PHACTR3: variants seen among roughly 807,000 people sequenced by gnomAD.
PHACTR3 encodes the protein phosphatase and actin regulator 3, also known as protein phosphatase 1, regulatory subunit 123.
In PHACTR3, 16 loss-of-function variants were observed where a neutral mutation model predicts 66.8. The observed-to-expected ratio is 0.24, with a 90% CI of 0.16 to 0.36. The LOEUF (loss-of-function observed/expected upper bound fraction) is 0.36. Ranked by LOEUF, PHACTR3 falls within the 10% of genes least tolerant of loss-of-function variation. The pLI, the probability that PHACTR3 is intolerant of heterozygous loss-of-function variation, is 1.00. For synonymous variants in PHACTR3, 323 were observed against 292.1 expected (o/e 1.11, Z -1.08); for missense variants, 647 against 719.9 (o/e 0.90, Z 1.16).
At chr20:59,649,947 G>A (rs1006859210) in intron 1 of PHACTR3, among the ~76,000 whole-genome samples, 37 of 152,158 alleles carry the variant, frequency 2.4e-4, no homozygotes, top group African/African-American at 8.7e-4. Flanking sequence ...TTATAAGTAT[G>A]GAAATAGATA....
intron 8 of PHACTR3, among the ~76,000 whole-genome samples, chr20:59,815,665 C>T (rs922174108): frequency 2.2e-4 from 34 of 152,062 alleles, no homozygotes; most frequent in African/African-American, 8.0e-4. Flanking sequence ...CCTCATGATC[C>T]GCCTGCCTTG....
chr20:59,609,364 C>T (rs577877949), intron 1 of PHACTR3, among the ~76,000 whole-genome samples: 2 of 152,206 alleles, frequency 1.3e-5, no homozygotes, highest in African/African-American at 4.8e-5. Flanking sequence ...ACCCTCATCA[C>T]CCACACACCG....
chr20:59,815,368 A>G (rs2041855742), intron 8 of PHACTR3, among the ~76,000 whole-genome samples: 2 of 152,114 alleles, frequency 1.3e-5, no homozygotes, highest in Admixed American at 1.3e-4. Flanking sequence ...ATCTTCAGCC[A>G]AAAGAAATGC....
rs1167566703 is a variant in PHACTR3, at chr20:59,649,738, G to T, written c.118+44606G>T. 5.3e-5 allele frequency among the ~76,000 whole-genome samples: 8 copies of T among 152,166 alleles called. 1 individual carries two copies. In the East Asian group the frequency reaches 1.5e-3, roughly 29 times the overall value. On this transcript the variant is annotated intron_variant, in intron 1 of 12. Transcript: ENST00000371015. ...GTTTAAAAGTATCACTGATAAGTTG[G>T]GAGTATGCCTTCCATATGAGATACA...
At chr20:59,778,510 C>T (rs1056151454) in intron 7 of PHACTR3, among the ~76,000 whole-genome samples, 2 of 152,200 alleles carry the variant, frequency 1.3e-5, no homozygotes, top group African/African-American at 4.8e-5. Flanking sequence ...CGCTGTGTGG[C>T]AACACTTGGC....
intron 4 of PHACTR3, among the ~76,000 whole-genome samples, chr20:59,761,250 C>G (rs932965512): frequency 6.6e-6 from 1 of 152,060 alleles, no homozygotes; most frequent in Non-Finnish European, 1.5e-5. Context: ...CTCCTGTCTT[C>G]CTAGCTGGTG....
chr20:59,616,556 G>C (rs1323719058), intron 1 of PHACTR3, among the ~76,000 whole-genome samples: 1 of 152,228 alleles, frequency 6.6e-6, no homozygotes, highest in Non-Finnish European at 1.5e-5. Flanking sequence ...ATTTCCTAGT[G>C]GGGGAGCTGG....
chr20:59,581,039 G>T (rs948239179), intron 1 of PHACTR3, among the ~76,000 whole-genome samples: 2 of 152,188 alleles, frequency 1.3e-5, no homozygotes, highest in African/African-American at 2.4e-5. Flanking sequence ...TGTCTCCTCC[G>T]GTCCAGAAAT....
At chr20:59,612,040 A>G (rs2033868071) in intron 1 of PHACTR3, among the ~76,000 whole-genome samples, 1 of 152,138 alleles carries the variant, frequency 6.6e-6, no homozygotes, top group South Asian at 2.1e-4. Flanking sequence ...GGGACGGTGC[A>G]GGTAGTGGGT....
chr20:59,658,392 C>A (rs1371126274), intron 1 of PHACTR3, among the ~76,000 whole-genome samples: 2 of 151,148 alleles, frequency 1.3e-5, no homozygotes, highest in Non-Finnish European at 2.9e-5. Context: ...TTTTTCAAAG[C>A]TGGACGTTTT....
rs572169790 is a variant in PHACTR3 at position 59,821,940 on chromosome 20, A to G, written c.1329-14565A>G. 1.7e-3 allele frequency among the ~76,000 whole-genome samples: 250 copies of G among 150,874 alleles called. 2 individuals carry two copies. The highest frequency in any genetic ancestry group is 9.7e-3 in the South Asian group (46 of 4,760). On this transcript the variant is annotated intron_variant, in intron 8 of 12. Coordinates refer to ENST00000371015, the MANE Select transcript of PHACTR3 (RefSeq NM_080672.5). ...GGCGCTGAGAGTGATGTGGACAAAC[A>G]CAGCTACCCCCTCCCCAGCAATCCT...
rs2146364928 is a variant in PHACTR3 at position 59,621,029 on chromosome 20, C to T, written c.118+15897C>T. On this transcript the variant is annotated intron_variant, in intron 1 of 12. Transcript: ENST00000371015. ...GTTGCTGGAACTGTCCCAGACGTGG[C>T]CACTGGGAGCTCCTTCGAGTCGGTG... Among the ~76,000 whole-genome samples, 2 of 152,348 alleles carry T rather than the reference C, an allele frequency of 1.3e-5. 1 individual carries two copies. The highest frequency in any genetic ancestry group is 1.3e-4 in the Admixed American group (2 of 15,306).
intron 1 of PHACTR3, among the ~76,000 whole-genome samples, chr20:59,741,636 ATTCT>A (rs1279222870): frequency 6.6e-6 from 1 of 152,042 alleles, no homozygotes; most frequent in Non-Finnish European, 1.5e-5. Flanking sequence ...ATTTTGTTTC[ATTCT>A]AACTAATCTT....
intron 12 of PHACTR3, among the ~76,000 whole-genome samples, chr20:59,846,666 A>G (rs1490171508): frequency 6.6e-6 from 1 of 152,038 alleles, no homozygotes; most frequent in East Asian, 1.9e-4. Context: ...AATGTGGTAT[A>G]AAGACCCTAA....
intron 1 of PHACTR3, among the ~76,000 whole-genome samples, chr20:59,728,809 C>G (rs1231769422): frequency 6.6e-6 from 1 of 151,162 alleles, no homozygotes; most frequent in East Asian, 1.9e-4. Flanking sequence ...GGGGAGGGAC[C>G]GACAACACCA....
chr20:59,605,558 C>T (rs1020643831), intron 1 of PHACTR3, among the ~76,000 whole-genome samples: 3 of 152,242 alleles, frequency 2.0e-5, no homozygotes, highest in African/African-American at 2.4e-5. Flanking sequence ...GAAGGCAGCG[C>T]TCCGCAGCTG....
chr20:59,718,246 C>T (rs2038167522), intron 1 of PHACTR3, among the ~76,000 whole-genome samples: 1 of 152,134 alleles, frequency 6.6e-6, no homozygotes, highest in South Asian at 2.1e-4. Flanking sequence ...CTTAAGTTGC[C>T]ACACAGTACC....
At chr20:59,726,295 T>A (rs1313185896) in intron 1 of PHACTR3, among the ~76,000 whole-genome samples, 1 of 152,152 alleles carries the variant, frequency 6.6e-6, no homozygotes, top group East Asian at 1.9e-4. Flanking sequence ...CCAATCCTAC[T>A]TCTGCTAAGG....
At chr20:59,814,707 G>C (rs2041837246) in intron 8 of PHACTR3, among the ~76,000 whole-genome samples, 1 of 152,026 alleles carries the variant, frequency 6.6e-6, no homozygotes, top group Non-Finnish European at 1.5e-5. Flanking sequence ...GTTTTTCACT[G>C]ACCGCCAGGA....
Sources: allele counts gnomAD v4.1 joint callset (sites outside exome capture counted in the v4.1 genomes callset), GRCh38; gene constraint gnomAD v4.1.1; transcripts MANE v1.5; gene names NCBI Gene and HGNC (gene_info 2026-07-23, HGNC 2026-07-21).